Variants in CFHR4 observed in about 807,000 individuals in gnomAD.
The protein encoded by CFHR4 is complement factor H related 4.
CFHR4 carries 64 observed loss-of-function variants against 69.3 expected under a neutral mutation model. That is an observed-to-expected ratio of 0.92 (90% CI 0.76 to 1.14). The LOEUF is 1.14. CFHR4 is among the 50% of genes most tolerant of loss of function. CFHR4 has a pLI of 0.00. For synonymous variants in CFHR4, 244 were observed against 237.0 expected (o/e 1.03, Z -0.27); for missense variants, 636 against 684.9 (o/e 0.93, Z 0.80).
At chr1:196,912,986 T>G in intron 7 of CFHR4, 64 bp downstream of exon 7, 1 of 1,603,580 alleles carries the variant, frequency 6.2e-7, no homozygotes, top group Non-Finnish European at 8.5e-7. Flanking sequence ...GAGATGATAG[T>G]GTTTTACTTA....
At chr1:196,903,931 A>C (rs1402373755) in intron 2 of CFHR4, among the ~76,000 whole-genome samples, 3 of 151,590 alleles carry the variant, frequency 2.0e-5, no homozygotes, top group Non-Finnish European at 4.4e-5. Flanking sequence ...ATTCAGTTAT[A>C]GCTGACTTTC....
At chr1:196,917,295 A>G (rs565565417) in intron 9 of CFHR4, among the ~76,000 whole-genome samples, 74 of 151,930 alleles carry the variant, frequency 4.9e-4, no homozygotes, top group African/African-American at 1.7e-3. Context: ...AAGAACTGAC[A>G]TTTTTATCAT....
intron 1 of CFHR4, among the ~76,000 whole-genome samples, chr1:196,892,473 C>T (rs1202410188): frequency 6.6e-6 from 1 of 151,156 alleles, no homozygotes; most frequent in Non-Finnish European, 1.5e-5. Context: ...ACCACAAATG[C>T]AGAAGTTCAG....
intron 5 of CFHR4, 81 bp downstream of exon 5, chr1:196,907,579 GT>G (rs1311114454): frequency 1.9e-5 from 22 of 1,164,810 alleles, no homozygotes; most frequent in Non-Finnish European, 1.2e-6. Flanking sequence ...ATTTTTATGG[GT>G]TATTACCCTA....
At chr1:196,889,608 A>G (rs1289784812) in intron 1 of CFHR4, among the ~76,000 whole-genome samples, 1 of 151,590 alleles carries the variant, frequency 6.6e-6, no homozygotes, top group Non-Finnish European at 1.5e-5. Context: ...AATTTGGGTC[A>G]CACCTATATT....
chr1:196,904,860 A>C (rs1245065962), intron 2 of CFHR4, among the ~76,000 whole-genome samples: 1 of 151,578 alleles, frequency 6.6e-6, no homozygotes, highest in Non-Finnish European at 1.5e-5. Flanking sequence ...CTAGATCTGC[A>C]TTCCTCAAGG....
chr1:196,911,684 C>A (rs1035369229), intron 6 of CFHR4, among the ~76,000 whole-genome samples: 8 of 151,422 alleles, frequency 5.3e-5, no homozygotes, highest in Admixed American at 2.0e-4. Flanking sequence ...CTTCTTACCC[C>A]TTTGTAAGAG....
rs761665547 is a variant in CFHR4, at chr1:196,906,984, C to G, written c.563C>G (p.Thr188Arg). 1.2e-6 allele frequency: 2 copies of G among 1,612,486 alleles called. No individual in the cohort carries two copies. Among genetic ancestry groups the G allele is most frequent in the South Asian group, 2.2e-5 (2 of 90,986 alleles). Residue 188 changes from threonine to arginine, a missense_variant, in exon 4 of 10, where the codon ACA (threonine) becomes AGA (arginine). Coordinates refer to ENST00000608469, the MANE Select transcript of CFHR4 (RefSeq NM_001201550.3). Reference protein sequence around the residue: ...DGYESSYGNTTDSIVCGEDGW... With the variant: ...DGYESSYGNTRDSIVCGEDGW... The stretch of plus-strand genomic sequence containing the variant: ...TATGAAAGCAGTTATGGAAACACCA[C>G]AGATTCCATAGTGTGTGGTGAAGAT...
chr1:196,915,582 C>A (rs2336506), intron 9 of CFHR4, among the ~76,000 whole-genome samples: 4 of 148,446 alleles, frequency 2.7e-5, no homozygotes, highest in African/African-American at 1.0e-4. Context: ...TTGCAGTGAG[C>A]GGAGATTGCA....
intron 9 of CFHR4, among the ~76,000 whole-genome samples, chr1:196,916,960 T>C (rs1354707215): frequency 2.0e-5 from 3 of 151,540 alleles, no homozygotes; most frequent in African/African-American, 7.3e-5. Flanking sequence ...GAGGAAAACT[T>C]TCCCAGGCAG....
At chr1:196,912,185 G>T (rs1313187808) in intron 6 of CFHR4, among the ~76,000 whole-genome samples, 1 of 151,092 alleles carries the variant, frequency 6.6e-6, no homozygotes, top group Non-Finnish European at 1.5e-5. Flanking sequence ...TATCTTATTT[G>T]CTTTCTTTTT....
At chr1:196,916,529 G>T (rs1336159279) in intron 9 of CFHR4, among the ~76,000 whole-genome samples, 5 of 151,722 alleles carry the variant, frequency 3.3e-5, no homozygotes, top group Non-Finnish European at 7.4e-5. Context: ...CTTAATTATT[G>T]TCCCCTACTT....
chr1:196,900,513 A>G (rs886505488), intron 1 of CFHR4, among the ~76,000 whole-genome samples: 4 of 151,310 alleles, frequency 2.6e-5, no homozygotes, highest in African/African-American at 9.8e-5. Flanking sequence ...TTTACATTCT[A>G]TGAAACACCA....
chr1:196,899,154 G>A lies in CFHR4; in HGVS notation c.59-3264G>A, dbSNP rs796257352. Among the ~76,000 whole-genome samples, 16 of 151,012 alleles carry A rather than the reference G, an allele frequency of 1.1e-4. 1 individual carries two copies. Among genetic ancestry groups the A allele is most frequent in the African/African-American group, 3.4e-4 (14 of 41,034 alleles). On this transcript the variant is annotated intron_variant, in intron 1 of 9. Coordinates refer to ENST00000608469, the MANE Select transcript of CFHR4 (RefSeq NM_001201550.3). ...AGCAAAATGTCTCTCACGTCAATAG[G>A]GTGTTTTATTTCTATGATGGTTCCT...
intron 7 of CFHR4, 58 bp downstream of exon 7, chr1:196,912,980 T>C: frequency 6.2e-7 from 1 of 1,606,120 alleles, no homozygotes; most frequent in Non-Finnish European, 8.5e-7. Flanking sequence ...CTCTTTGAGA[T>C]GATAGTGTTT....
rs997605453 is a variant in CFHR4, at chr1:196,900,056, A to C, written c.59-2362A>C. ...GAATCCTACGTGCAAAGCTAAATCT[A>C]AAAAAATTAAATTTAGTAGTGGTAA... On this transcript the variant is annotated intron_variant, in intron 1 of 9. Coordinates refer to ENST00000608469, the MANE Select transcript of CFHR4 (RefSeq NM_001201550.3). 4.4e-4 allele frequency among the ~76,000 whole-genome samples: 66 copies of C among 151,530 alleles called. 4 individuals are homozygous for C. Among genetic ancestry groups the C allele is most frequent in the African/African-American group, 1.4e-3 (59 of 41,058 alleles).
intron 2 of CFHR4, among the ~76,000 whole-genome samples, chr1:196,903,157 A>G (rs1657714214): frequency 6.6e-6 from 1 of 151,402 alleles, no homozygotes; most frequent in South Asian, 2.1e-4. Context: ...CACTCATTTG[A>G]GATCCCAGTA....
chr1:196,907,893 A>G (rs1370237770), intron 5 of CFHR4, among the ~76,000 whole-genome samples: 7 of 151,396 alleles, frequency 4.6e-5, no homozygotes, highest in Non-Finnish European at 1.0e-4. Flanking sequence ...ATGGATGTGG[A>G]ACCAACCCAA....
Position 196,905,199 on chromosome 1 carries a change from T to C in CFHR4, c.348T>C (p.Asn116=). 1 of 1,611,118 alleles carries C rather than the reference T, an allele frequency of 6.2e-7. No homozygotes were observed. Among genetic ancestry groups the C allele is most frequent in the South Asian group, 1.1e-5 (1 of 90,690 alleles). ...IYILNEETQY[N]CKPGYATAEG... Reference sequence around the variant, plus strand: ...TTTTAAATGAAGAAACACAATATAATTGTAAACCAGGATATGCAACAGCAG... The same window carrying C: ...TTTTAAATGAAGAAACACAATATAACTGTAAACCAGGATATGCAACAGCAG... The change falls in exon 3 of 10, where the codon AAT becomes AAC. Residue 116 remains asparagine, a synonymous_variant. Transcript: ENST00000608469.
Sources: gnomAD v4.1 joint callset for allele counts (sites outside exome capture counted in the v4.1 genomes callset) on GRCh38, gnomAD v4.1.1 for gene constraint, MANE v1.5 for transcripts, NCBI Gene and HGNC (gene_info 2026-07-23, HGNC 2026-07-21) for gene names.